The following KCNH8 variants were observed in gnomAD, a reference collection of about 807,000 sequenced individuals.
KCNH8 encodes potassium voltage-gated channel subfamily H member 8.
A neutral mutation model predicts 103.6 loss-of-function variants in KCNH8; 70 were observed. The ratio of observed to expected loss-of-function variants is 0.68; its 90% CI spans 0.56 to 0.82. The LOEUF (loss-of-function observed/expected upper bound fraction) is 0.82, where lower values mean the gene tolerates loss of function less well. KCNH8 is among the 40% of genes least tolerant of loss of function. KCNH8 has a pLI of 0.00. For missense variants in KCNH8, 1,217 were observed against 1,329.9 expected (o/e 0.92, Z 1.32); for synonymous variants, 498 against 489.4 (o/e 1.02, Z -0.23).
chr3:19,150,350 T>G (rs79648308), intron 1 of KCNH8, among the ~76,000 whole-genome samples: 4 of 133,130 alleles, frequency 3.0e-5, no homozygotes, highest in Admixed American at 2.2e-4. Context: ...AATGTGGATG[T>G]TTTTTTTTTT....
chr3:19,493,482 C>T (rs1218793409), intron 11 of KCNH8, among the ~76,000 whole-genome samples: 1 of 152,170 alleles, frequency 6.6e-6, no homozygotes, highest in Non-Finnish European at 1.5e-5. Flanking sequence ...TTGCTTCTCT[C>T]TCATCCCTGC....
chr3:19,504,694 T>G (rs1013790095), intron 11 of KCNH8, among the ~76,000 whole-genome samples: 4 of 152,026 alleles, frequency 2.6e-5, no homozygotes, highest in African/African-American at 9.7e-5. Flanking sequence ...GCTGGAAAGA[T>G]TGCAGAGAAA....
chr3:19,522,837 C>T lies in KCNH8; in HGVS notation c.2619+4763C>T, dbSNP rs893368274. On this transcript the variant is annotated intron_variant, in intron 15 of 15. Coordinates refer to ENST00000328405, the MANE Select transcript of KCNH8 (RefSeq NM_144633.3). ...ATCTAAAATTTTTTTTAAATTTTCC[C>T]ATAGCAAAAGATGTCATGGTTTTCT... 6.6e-5 allele frequency among the ~76,000 whole-genome samples: 10 copies of T among 151,782 alleles called. No individual in the cohort carries two copies. The South Asian group carries it at 1.7e-3, about 25-fold the overall frequency.
chr3:19,246,340 G>A (rs1292736314), intron 1 of KCNH8, among the ~76,000 whole-genome samples: 7 of 141,456 alleles, frequency 4.9e-5, no homozygotes, highest in South Asian at 2.2e-4. Flanking sequence ...GCAGTGGTGC[G>A]ATATCGGCTC....
At chr3:19,190,154 G>T (rs984934922) in intron 1 of KCNH8, among the ~76,000 whole-genome samples, 4 of 151,876 alleles carry the variant, frequency 2.6e-5, no homozygotes, top group African/African-American at 9.7e-5. Context: ...GTTAAAACTG[G>T]TGTTCACAGG....
intron 5 of KCNH8, among the ~76,000 whole-genome samples, chr3:19,373,055 T>C (rs2066127654): frequency 6.6e-6 from 1 of 151,918 alleles, no homozygotes; most frequent in Non-Finnish European, 1.5e-5. Flanking sequence ...TCATCAAGGA[T>C]ATTGGTCTAA....
chr3:19,341,572 G>T (rs191660591), intron 3 of KCNH8, among the ~76,000 whole-genome samples: 9 of 152,202 alleles, frequency 5.9e-5, no homozygotes, highest in African/African-American at 2.2e-4. Context: ...CACATATGAT[G>T]AGAAAATGGC....
chr3:19,270,999 C>G (rs1439879754), intron 2 of KCNH8, among the ~76,000 whole-genome samples: 1 of 152,030 alleles, frequency 6.6e-6, no homozygotes, highest in East Asian at 1.9e-4. Context: ...AGGACTTGGT[C>G]AAAGTTGAAT....
chr3:19,409,902 A>T (rs564939033), intron 7 of KCNH8, among the ~76,000 whole-genome samples: 1 of 152,260 alleles, frequency 6.6e-6, no homozygotes, highest in South Asian at 2.1e-4. Flanking sequence ...AAAAAGACTT[A>T]GACAGCCACA....
chr3:19,465,121 T>C (rs1053772329), intron 11 of KCNH8, among the ~76,000 whole-genome samples: 4 of 152,214 alleles, frequency 2.6e-5, no homozygotes, highest in Admixed American at 2.0e-4. Context: ...ACTTGTCAAC[T>C]TAAGGAAGAA....
chr3:19,253,966 C>G (rs965615790), intron 2 of KCNH8, 79 bp downstream of exon 2: 1 of 936,250 alleles, frequency 1.1e-6, no homozygotes, highest in African/African-American at 1.6e-5. Context: ...CTCCGCAACT[C>G]CCATTAAGGC....
rs968652237 is a variant in KCNH8, at chr3:19,222,767, C to T, written c.77-30887C>T. Among the ~76,000 whole-genome samples, 5 of 152,064 alleles carry T rather than the reference C, an allele frequency of 3.3e-5. No homozygotes were observed. In the South Asian group the frequency reaches 8.3e-4, roughly 25 times the overall value. Reference sequence around the variant, plus strand: ...TTCTGTTTTGACCACAGATAAATCACTAATGTCTGGTTCATTTCAGGATAT... The same window carrying T: ...TTCTGTTTTGACCACAGATAAATCATTAATGTCTGGTTCATTTCAGGATAT... On this transcript the variant is annotated intron_variant, in intron 1 of 15. Transcript: ENST00000328405.
At chr3:19,500,308 G>A (rs2068550126) in intron 11 of KCNH8, among the ~76,000 whole-genome samples, 2 of 152,244 alleles carry the variant, frequency 1.3e-5, no homozygotes, top group South Asian at 2.1e-4. Flanking sequence ...GACCTACAAA[G>A]AGACTTAGAC....
intron 12 of KCNH8, among the ~76,000 whole-genome samples, chr3:19,512,542 A>G (rs946945171): frequency 2.0e-5 from 3 of 152,220 alleles, no homozygotes; most frequent in African/African-American, 7.2e-5. Context: ...GTAAAGTTCC[A>G]GTAAAGACCC....
At chr3:19,317,778 T>C (rs7621413) in intron 3 of KCNH8, among the ~76,000 whole-genome samples, 112,605 of 151,686 alleles carry the variant, frequency 0.74, 42,330 homozygotes, top group African/African-American at 0.81. Flanking sequence ...TTCAACATCC[T>C]TTCATGTTAA....
chr3:19,516,054 A>C (rs925959890), intron 14 of KCNH8, among the ~76,000 whole-genome samples: 1 of 152,048 alleles, frequency 6.6e-6, no homozygotes, highest in African/African-American at 2.4e-5. Flanking sequence ...ATAAACTCTA[A>C]AGAAGACACA....
rs773581145 is a variant in KCNH8 at position 19,456,799 on chromosome 3, A to G, written c.1857A>G (p.Ser619=). ...GGGATTTAATTGGAGCAAATCTATC[A>G]ATTAAGGACCAAGTGATCAAGACCA... is the stretch of plus-strand genomic sequence containing the variant. ...GKGDLIGANL[S]IKDQVIKTNA... The change falls in exon 11 of 16, where the codon TCA becomes TCG. Residue 619 remains serine (S), a synonymous_variant. Coordinates refer to ENST00000328405, the MANE Select transcript of KCNH8 (RefSeq NM_144633.3). 5.6e-6 allele frequency: 9 copies of G among 1,611,464 alleles called. No homozygotes were observed. In the South Asian group the frequency reaches 9.9e-5, roughly 18 times the overall value.
Position 19,380,467 on chromosome 3 carries a change from C to A in KCNH8, c.812-10014C>A, listed in dbSNP as rs563092120. On this transcript the variant is annotated intron_variant, in intron 5 of 15. Transcript: ENST00000328405. ...CTGGCCCACTCAATTCTTGTTATTTCTTATTGAGTTCCTGTGGCTATTTGG... is the reference window on the plus strand; with the variant it reads ...CTGGCCCACTCAATTCTTGTTATTTATTATTGAGTTCCTGTGGCTATTTGG... 1.3e-3 allele frequency among the ~76,000 whole-genome samples: 193 copies of A among 152,234 alleles called. 1 individual carries two copies. The highest frequency in any genetic ancestry group is 4.0e-3 in the African/African-American group (166 of 41,536).
intron 5 of KCNH8, among the ~76,000 whole-genome samples, chr3:19,359,547 C>A (rs957167934): frequency 1.3e-5 from 2 of 151,938 alleles, no homozygotes; most frequent in African/African-American, 4.8e-5. Flanking sequence ...CGTGGGACGA[C>A]TGAAGTTTGG....
Sources: allele counts gnomAD v4.1 joint callset (sites outside exome capture counted in the v4.1 genomes callset), GRCh38; gene constraint gnomAD v4.1.1; transcripts MANE v1.5; gene names NCBI Gene and HGNC (gene_info 2026-07-23, HGNC 2026-07-21).